The following NCAM2 variants were observed in gnomAD, a reference collection of about 807,000 sequenced individuals.
The protein encoded by NCAM2 is N-CAM-2.
In NCAM2, 30 loss-of-function variants were observed where a neutral mutation model predicts 98.1. The observed-to-expected ratio is 0.31, with a 90% CI of 0.23 to 0.41. The LOEUF (loss-of-function observed/expected upper bound fraction) is 0.41, where lower values mean the gene tolerates loss of function less well. Ranked by LOEUF, NCAM2 falls within the 10% of genes least tolerant of loss-of-function variation. The pLI, the probability that NCAM2 is intolerant of heterozygous loss-of-function variation, is 1.00. For missense variants in NCAM2, 867 were observed against 1,005.8 expected, an observed-to-expected ratio of 0.86 and a Z score of 1.87; for synonymous variants, 368 against 342.4, an observed-to-expected ratio of 1.07 and a Z score of -0.83.
At chr21:21,255,095 A>G (rs1031331344) in intron 1 of NCAM2, among the ~76,000 whole-genome samples, 1 of 152,140 alleles carries the variant, frequency 6.6e-6, no homozygotes, top group Non-Finnish European at 1.5e-5. Flanking sequence ...AATATTAACA[A>G]TTTGGGAAGG....
intron 1 of NCAM2, among the ~76,000 whole-genome samples, chr21:21,102,122 T>G (rs1348629634): frequency 2.0e-5 from 3 of 152,024 alleles, no homozygotes; most frequent in Non-Finnish European, 4.4e-5. Context: ...CCTGCTGACC[T>G]TAACCAGAGA....
At chr21:21,436,478 A>G (rs1047528897) in intron 12 of NCAM2, among the ~76,000 whole-genome samples, 9 of 152,212 alleles carry the variant, frequency 5.9e-5, no homozygotes, top group African/African-American at 1.9e-4. Flanking sequence ...GTTATATTGT[A>G]TTGTGCATAT....
At chr21:21,338,664 A>C (rs1391677046) in intron 8 of NCAM2, 130 bp downstream of exon 8, 1 of 954,412 alleles carries the variant, frequency 1.0e-6, no homozygotes, top group Non-Finnish European at 1.5e-6. Flanking sequence ...TTGATTTTTA[A>C]AAAGGTAACT....
chr21:21,259,386 C>T (rs1449965564), intron 1 of NCAM2, among the ~76,000 whole-genome samples: 1 of 151,512 alleles, frequency 6.6e-6, no homozygotes. Context: ...CCTGCAGTAG[C>T]AGCATGATAG....
intron 7 of NCAM2, among the ~76,000 whole-genome samples, chr21:21,337,134 A>G (rs2074893929): frequency 6.6e-6 from 1 of 152,178 alleles, no homozygotes; most frequent in East Asian, 1.9e-4. Flanking sequence ...CATATTAGAA[A>G]TAGTATTGTG....
chr21:21,219,220 C>T (rs1011204851), intron 1 of NCAM2, among the ~76,000 whole-genome samples: 3 of 151,962 alleles, frequency 2.0e-5, no homozygotes, highest in Non-Finnish European at 4.4e-5. Flanking sequence ...ATGTGCGGCC[C>T]AAGACATTTC....
At chr21:21,323,814 A>C (rs959803896) in intron 5 of NCAM2, among the ~76,000 whole-genome samples, 2 of 152,196 alleles carry the variant, frequency 1.3e-5, no homozygotes, top group African/African-American at 4.8e-5. Context: ...TAGCTGCTTG[A>C]AGAAATTAAG....
At chr21:21,462,120 A>ATT (rs1983057225) in intron 12 of NCAM2, among the ~76,000 whole-genome samples, 1 of 152,036 alleles carries the variant, frequency 6.6e-6, no homozygotes, top group Non-Finnish European at 1.5e-5. Context: ...ATCTGAGGGG[A>ATT]TTAACACCAA....
intron 12 of NCAM2, among the ~76,000 whole-genome samples, chr21:21,458,073 G>A (rs128595): frequency 0.67 from 101,654 of 152,074 alleles, 35,077 homozygotes; most frequent in African/African-American, 0.73. Context: ...TCAGGGTTCA[G>A]GTGCCTAGGA....
rs1414720415 is a variant in NCAM2 at position 21,370,057 on chromosome 21, A to G, written c.1045-3806A>G. 2.6e-5 allele frequency among the ~76,000 whole-genome samples: 4 copies of G among 151,606 alleles called. No homozygotes were observed. In the South Asian group the frequency reaches 6.2e-4, roughly 24 times the overall value. On this transcript the variant is annotated intron_variant, in intron 8 of 17. Coordinates refer to ENST00000400546, the MANE Select transcript of NCAM2 (RefSeq NM_004540.5). ...GCATTTTAATAGTTTTTAAATAGAA[A>G]CTCCCACATTAAATTTTGCAATTGC... is the stretch of plus-strand genomic sequence containing the variant.
At chr21:21,142,385 T>TTTTC (rs914841655) in intron 1 of NCAM2, among the ~76,000 whole-genome samples, 5 of 143,448 alleles carry the variant, frequency 3.5e-5, no homozygotes, top group African/African-American at 1.3e-4. Context: ...ATGTTTTTTT[T>TTTTC]TTTTTTTTTT....
intron 1 of NCAM2, among the ~76,000 whole-genome samples, chr21:21,106,745 G>A (rs2066357925): frequency 6.6e-6 from 1 of 151,698 alleles, no homozygotes; most frequent in Admixed American, 6.6e-5. Context: ...GGACATGTAG[G>A]AAAGAAAAAA....
intron 1 of NCAM2, among the ~76,000 whole-genome samples, chr21:21,139,605 T>A (rs2067126596): frequency 6.6e-6 from 1 of 152,176 alleles, no homozygotes; most frequent in Non-Finnish European, 1.5e-5. Context: ...TCTGTTCACA[T>A]GTGATGTAGG....
At chr21:21,278,489 AAGAG>A (rs1203831525) in intron 1 of NCAM2, among the ~76,000 whole-genome samples, 1 of 152,318 alleles carries the variant, frequency 6.6e-6, no homozygotes, top group Non-Finnish European at 1.5e-5. Flanking sequence ...AAGGGAGAAA[AAGAG>A]AGTACCTAAA....
intron 1 of NCAM2, among the ~76,000 whole-genome samples, chr21:21,172,395 A>G (rs1444080986): frequency 3.3e-5 from 5 of 152,094 alleles, no homozygotes; most frequent in Non-Finnish European, 5.9e-5. Context: ...TCATGAGGAG[A>G]TTTTTTTAAA....
chr21:21,310,986 C>T lies in NCAM2; in HGVS notation c.620-13397C>T, dbSNP rs528819516. On this transcript the variant is annotated intron_variant, in intron 5 of 17. Transcript: ENST00000400546. ...TCAGGAAATATTTCTTTCAAAATAT[C>T]ACAGTGCACTGGCAATGCACTTAAA... 7.9e-5 allele frequency among the ~76,000 whole-genome samples: 12 copies of T among 152,274 alleles called. 1 individual carries two copies. In the South Asian group the frequency reaches 2.5e-3, roughly 32 times the overall value.
chr21:21,263,529 C>T (rs2147360326), intron 1 of NCAM2, among the ~76,000 whole-genome samples: 1 of 151,840 alleles, frequency 6.6e-6, no homozygotes, highest in East Asian at 1.9e-4. Flanking sequence ...CATAATGGAC[C>T]ACACAAGAGC....
rs112236368 is a variant in NCAM2, at chr21:21,433,558, C to T, written c.1654+1277C>T. 7.3e-4 allele frequency among the ~76,000 whole-genome samples: 110 copies of T among 150,480 alleles called. 1 individual carries two copies. Among genetic ancestry groups the T allele is most frequent in the South Asian group, 4.2e-4 (2 of 4,762 alleles). ...ACCGAGACCATCCTGGCTAACATGG[C>T]GAAACCCTGTCTCTACTAAAAGTAC... On this transcript the variant is annotated intron_variant, in intron 12 of 17. Coordinates refer to ENST00000400546, the MANE Select transcript of NCAM2 (RefSeq NM_004540.5).
intron 4 of NCAM2, among the ~76,000 whole-genome samples, chr21:21,290,527 G>A (rs760765546): frequency 6.6e-6 from 1 of 151,762 alleles, no homozygotes; most frequent in Non-Finnish European, 1.5e-5. Flanking sequence ...TAATTTACCA[G>A]GGGAAAGAAT....
Sources: allele counts gnomAD v4.1 joint callset (sites outside exome capture counted in the v4.1 genomes callset), GRCh38; gene constraint gnomAD v4.1.1; transcripts MANE v1.5; gene names NCBI Gene and HGNC (gene_info 2026-07-23, HGNC 2026-07-21).